Variants in SORCS3 observed in about 807,000 individuals in gnomAD.
SORCS3 encodes sortilin related VPS10 domain containing receptor 3, also known as VPS10 domain-containing receptor SorCS3.
A neutral mutation model predicts 146.3 loss-of-function variants in SORCS3; 57 were observed. The observed-to-expected ratio is 0.39, with a 90% CI of 0.31 to 0.49. The LOEUF is 0.49. SORCS3 is among the 20% of genes least tolerant of loss of function. The pLI is 0.92. For synonymous variants in SORCS3, 653 were observed against 618.5 expected (o/e 1.06, Z -0.83); for missense variants, 1,341 against 1,575.5 (o/e 0.85, Z 2.52).
At chr10:105,119,319 G>A (rs2055914998) in intron 7 of SORCS3, among the ~76,000 whole-genome samples, 1 of 152,216 alleles carries the variant, frequency 6.6e-6, no homozygotes, top group African/African-American at 2.4e-5. Flanking sequence ...GAAATGCCTG[G>A]ATGTCCAGGC....
At chr10:104,853,640 G>A (rs2451469) in intron 2 of SORCS3, among the ~76,000 whole-genome samples, 127,523 of 152,170 alleles carry the variant, frequency 0.84, 53,903 homozygotes, top group East Asian at 0.97. Context: ...TCAAGGAGTC[G>A]AAACTTTAAC....
At chr10:104,747,580 A>G (rs564170684) in intron 1 of SORCS3, among the ~76,000 whole-genome samples, 7 of 152,338 alleles carry the variant, frequency 4.6e-5, no homozygotes, top group South Asian at 2.1e-4. Flanking sequence ...GATTGCAAGG[A>G]GGCAAGAAAT....
intron 2 of SORCS3, among the ~76,000 whole-genome samples, chr10:104,900,407 C>A (rs1226325523): frequency 1.3e-5 from 2 of 152,152 alleles, no homozygotes; most frequent in African/African-American, 4.8e-5. Flanking sequence ...CCTGACAAGT[C>A]TTTCTACCTC....
At chr10:105,258,554 C>T (rs1263156201) in intron 25 of SORCS3, among the ~76,000 whole-genome samples, 1 of 152,160 alleles carries the variant, frequency 6.6e-6, no homozygotes, top group African/African-American at 2.4e-5. Context: ...TGTAAAGAGT[C>T]TTTTGTGGCT....
intron 5 of SORCS3, among the ~76,000 whole-genome samples, chr10:105,077,527 C>A (rs1277843158): frequency 3.6e-5 from 1 of 27,914 alleles, no homozygotes; most frequent in Non-Finnish European, 1.1e-4. Flanking sequence ...ATTAAACACA[C>A]ACACACACAC....
intron 2 of SORCS3, among the ~76,000 whole-genome samples, chr10:104,876,703 T>TTTCC (rs747594890): frequency 0.09 from 9,454 of 104,670 alleles, 632 homozygotes; most frequent in South Asian, 0.2. Context: ...TGGTCCAGGT[T>TTTCC]TTCCTTCCTT....
At chr10:105,199,966 CT>C in intron 14 of SORCS3, 32 bp from the exon 15 acceptor site, 1 of 1,522,882 alleles carries the variant, frequency 6.6e-7, no homozygotes, top group Non-Finnish European at 9.1e-7. Flanking sequence ...ACTTTCTCCC[CT>C]TGTGTCTCCC....
intron 9 of SORCS3, among the ~76,000 whole-genome samples, chr10:105,149,167 T>C (rs1026355687): frequency 6.6e-6 from 1 of 152,164 alleles, no homozygotes; most frequent in Admixed American, 6.6e-5. Flanking sequence ...CCCAGTCTCA[T>C]AGTATCTTTG....
At chr10:104,842,952 C>G (rs1206401025) in intron 2 of SORCS3, 93 bp downstream of exon 2, 1 of 972,652 alleles carries the variant, frequency 1.0e-6, no homozygotes, top group Non-Finnish European at 1.7e-6. Context: ...CTGGAAGGAG[C>G]AGAAGATAGT....
Position 104,641,758 on chromosome 10 carries a change from A to G in SORCS3, c.431A>G (p.Asp144Gly), listed in dbSNP as rs765108964. 1.3e-6 allele frequency: 2 copies of G among 1,545,908 alleles called. No individual in the cohort carries two copies. The highest frequency in any genetic ancestry group is 2.4e-5 in the South Asian group (2 of 83,868). The change falls in exon 1 of 27, where the codon GAC becomes GGC. Residue 144 changes from aspartate (D) to glycine (G), a missense_variant. By Grantham distance (94) the Asp-to-Gly change is moderately conservative. Transcript: ENST00000369701. The surrounding 1 kb of genome is among the most constrained non-coding windows in gnomAD (Gnocchi z 6.4). ...CCCCCAATCACCCAGGAACGCGGGG[A>G]CGCCTGGGCCACTGCTCCGGCCGAT... Reference protein sequence around the residue: ...AQPPITQERGDAWATAPADGS... With the variant: ...AQPPITQERGGAWATAPADGS...
At chr10:104,904,408 A>G (rs2018882194) in intron 2 of SORCS3, among the ~76,000 whole-genome samples, 2 of 152,184 alleles carry the variant, frequency 1.3e-5, no homozygotes, top group Admixed American at 6.5e-5. Flanking sequence ...TTATCCTTTG[A>G]ACTAGTAATT....
Position 104,873,874 on chromosome 10 carries a change from A to G in SORCS3, c.695+31015A>G, listed in dbSNP as rs183439565. ...AAGGGCCCTGTGGTATGTGTTGAAC[A>G]ATAACTACCTCTCTCCAGCACTACT... is the stretch of plus-strand genomic sequence containing the variant. On this transcript the variant is annotated intron_variant, in intron 2 of 26. Transcript: ENST00000369701. 2.0e-5 allele frequency among the ~76,000 whole-genome samples: 3 copies of G among 152,334 alleles called. No homozygotes were observed. The East Asian group carries it at 5.8e-4, about 29-fold the overall frequency.
At chr10:104,756,886 A>G (rs2017059275) in intron 1 of SORCS3, among the ~76,000 whole-genome samples, 1 of 151,994 alleles carries the variant, frequency 6.6e-6, no homozygotes, top group East Asian at 1.9e-4. Context: ...GATTTCTGGG[A>G]CTGAATATTA....
intron 3 of SORCS3, among the ~76,000 whole-genome samples, chr10:104,959,021 A>T (rs957699972): frequency 6.6e-6 from 1 of 152,098 alleles, no homozygotes; most frequent in Non-Finnish European, 1.5e-5. Context: ...TGAGATTTGG[A>T]TGGGGCATGG....
chr10:104,779,261 G>A (rs1181949982), intron 1 of SORCS3, among the ~76,000 whole-genome samples: 8 of 152,272 alleles, frequency 5.3e-5, no homozygotes, highest in Non-Finnish European at 8.8e-5. Flanking sequence ...ATAAGGTTGC[G>A]TTGTCTTTAA....
intron 2 of SORCS3, among the ~76,000 whole-genome samples, chr10:104,911,202 G>A (rs945010478): frequency 2.4e-4 from 36 of 152,248 alleles, no homozygotes; most frequent in African/African-American, 8.4e-4. Flanking sequence ...GCTGTGGTCA[G>A]GGCAGTGTGC....
chr10:105,158,859 C>T, intron 10 of SORCS3, 33 bp from the exon 11 acceptor site: 1 of 1,550,704 alleles, frequency 6.4e-7, no homozygotes, highest in Non-Finnish European at 8.9e-7. Flanking sequence ...TCTGGAATTT[C>T]CTAGAATGAA....
chr10:105,016,608 C>T (rs1355215950), intron 4 of SORCS3, among the ~76,000 whole-genome samples: 3 of 152,024 alleles, frequency 2.0e-5, no homozygotes, highest in East Asian at 1.9e-4. Context: ...AATTTTATAA[C>T]GGTATCTATT....
At chr10:105,106,213 C>T (rs1234136866) in intron 7 of SORCS3, among the ~76,000 whole-genome samples, 2 of 152,186 alleles carry the variant, frequency 1.3e-5, no homozygotes, top group Non-Finnish European at 1.5e-5. Flanking sequence ...CTTGATTTCC[C>T]ACACTCTGCC....
Sources: gnomAD v4.1 joint callset for allele counts (sites outside exome capture counted in the v4.1 genomes callset) on GRCh38, gnomAD v4.1.1 for gene constraint, Gnocchi (gnomAD v3.1) non-coding constraint, MANE v1.5 for transcripts, NCBI Gene and HGNC (gene_info 2026-07-23, HGNC 2026-07-21) for gene names.